The following TMEM25 variants were observed in gnomAD, a reference collection of about 807,000 sequenced individuals.
TMEM25 encodes 0610039J01Rik.
A neutral mutation model predicts 37.0 loss-of-function variants in TMEM25; 36 were observed. The ratio of observed to expected loss-of-function variants is 0.97; its 90% confidence interval spans 0.75 to 1.28. The LOEUF is 1.28. TMEM25 is among the 50% of genes most tolerant of loss of function. TMEM25 has a pLI of 0.00. For synonymous variants in TMEM25, 197 were observed against 203.7 expected, an observed-to-expected ratio of 0.97 and a Z score of 0.28; for missense variants, 444 against 477.9, an observed-to-expected ratio of 0.93 and a Z score of 0.66.
chr11:118,541,209 T>C (rs1403161835), intron 8 of TMEM25, among the ~76,000 whole-genome samples: 1 of 152,096 alleles, frequency 6.6e-6, no homozygotes, highest in Non-Finnish European at 1.5e-5. Flanking sequence ...ATGCCTGTAA[T>C]CCCAGCACTT....
At chr11:118,544,770 T>C (rs1555066584) in intron 8 of TMEM25, 6 of 636,580 alleles carry the variant, frequency 9.4e-6, no homozygotes, top group Admixed American at 8.1e-5. Context: ...TTCTGTGCCC[T>C]CTGGCAGAGA....
chr11:118,537,133 AAGT>A (rs1951521284), downstream of TMEM25, among the ~76,000 whole-genome samples: 1 of 151,968 alleles, frequency 6.6e-6, no homozygotes, highest in Non-Finnish European at 1.5e-5. Flanking sequence ...CTGAGCTCAG[AAGT>A]TCGAGACCAG....
In TMEM25 at chr11:118,533,533, AAAGAG is replaced by A. The variant is rs1555061035; in HGVS notation, c.792_796del (p.Lys265AsnfsTer14). On this transcript the variant is annotated frameshift_variant, in exon 5 of 9. Transcript: ENST00000313236. LOFTEE classifies it high-confidence loss of function. Reference sequence around the variant, plus strand: ...CTTGGTGGCCTGCCTGGTCTGCAGAAAAGAGAAGAAAACCAAAGGTAGGCCAGGGA... The same window carrying A: ...CTTGGTGGCCTGCCTGGTCTGCAGAAAAGAAAACCAAAGGTAGGCCAGGGA... 2.5e-6 allele frequency: 4 copies of A among 1,614,000 alleles called. No homozygotes were observed. Among genetic ancestry groups the A allele is most frequent in the African/African-American group, 1.3e-5 (1 of 74,936 alleles).
Position 118,534,439 on chromosome 11 carries a change from A to G in TMEM25, c.1028-68A>G, listed in dbSNP as rs967187415. 1.4e-5 allele frequency: 23 copies of G among 1,610,934 alleles called. No individual in the cohort carries two copies. In the East Asian group the frequency reaches 5.1e-4, roughly 36 times the overall value. ...AGAGGCCTCCAAGTGCCCAGGAGGC[A>G]GAGAGAGCTCTCCAAATTCCAAGGA... On this transcript the variant is annotated intron_variant, in intron 8 of 8. Transcript: ENST00000313236. This position sits in a 1 kb window ranked among gnomAD's most constrained non-coding sequence, Gnocchi z 4.6.
chr11:118,532,510 C>T (rs543452387), intron 3 of TMEM25, 49 bp downstream of exon 3: 3 of 1,551,524 alleles, frequency 1.9e-6, no homozygotes, highest in East Asian at 2.3e-5. Flanking sequence ...GCCCAGGGAC[C>T]CCCAGCACCC....
intron 3 of TMEM25, 163 bp downstream of exon 3, chr11:118,532,624 G>A (rs1457025265): frequency 1.7e-5 from 15 of 887,616 alleles, no homozygotes; most frequent in African/African-American, 5.1e-5. Flanking sequence ...TACTATTGTC[G>A]TCACCATTTT....
intron 8 of TMEM25, among the ~76,000 whole-genome samples, chr11:118,541,968 C>G (rs1425659785): frequency 6.6e-6 from 1 of 152,150 alleles, no homozygotes; most frequent in Non-Finnish European, 1.5e-5. Context: ...CGTTCCCCGG[C>G]TGGTCTCAAA....
At chr11:118,537,517 T>C (rs782001622), downstream of TMEM25, among the ~76,000 whole-genome samples, 1 of 152,206 alleles carries the variant, frequency 6.6e-6, no homozygotes, top group African/African-American at 2.4e-5. Context: ...ATTCCAACTA[T>C]ATGTTTGTAC....
downstream of TMEM25, among the ~76,000 whole-genome samples, chr11:118,540,496 C>T (rs957171825): frequency 1.3e-5 from 2 of 152,210 alleles, no homozygotes; most frequent in Non-Finnish European, 2.9e-5. Context: ...GGTCCTGGGG[C>T]TCTTCCTTTG....
chr11:118,536,193 C>A (rs1386461603), downstream of TMEM25, among the ~76,000 whole-genome samples: 58 of 145,716 alleles, frequency 4.0e-4, no homozygotes, highest in Non-Finnish European at 8.1e-4. Context: ...ATATGCTTTT[C>A]TTTTCTTTTT....
chr11:118,545,826 A>G, intron 8 of TMEM25: 1 of 1,614,160 alleles, frequency 6.2e-7, no homozygotes, highest in Non-Finnish European at 8.5e-7. Context: ...GCCAGGCTGC[A>G]ATCAATCTCT....
rs1555059412 is a variant in TMEM25 at position 118,532,310 on chromosome 11, A to C, written c.231A>C (p.Ser77=). 11 of 1,614,166 alleles carry C rather than the reference A, an allele frequency of 6.8e-6. No homozygotes were observed. The highest frequency in any genetic ancestry group is 9.3e-6 in the Non-Finnish European group (11 of 1,180,010). Residue 77 remains serine (S), a synonymous_variant, in exon 3 of 9, where the codon TCA becomes TCC. Transcript: ENST00000313236. ...GACAGCTGCAGGAGGCCAGCACCTC[A>C]AGACTGCTGAGCGTGGGAGGGGAGG... is the stretch of plus-strand genomic sequence containing the variant. ...LDGQLQEAST[S]RLLSVGGEAF...
Position 118,535,806 on chromosome 11 carries a change from G to C in TMEM25, c.*1226G>C, listed in dbSNP as rs534128038. On this transcript the variant is annotated 3_prime_UTR_variant, in exon 9 of 9. Transcript: ENST00000313236. ...TAGGGCGGTGCTGAGCACACAGCAAGTTTAATAAACTTGACTGAATTCATT... is the reference window on the plus strand; with the variant it reads ...TAGGGCGGTGCTGAGCACACAGCAACTTTAATAAACTTGACTGAATTCATT... 8.0e-7 allele frequency: 1 copy of C among 1,248,786 alleles called. No homozygotes were observed. The highest frequency in any genetic ancestry group is 1.0e-6 in the Non-Finnish European group (1 of 997,528). The allele number at this position is 1,248,786 out of a possible 1,614,324, so 77.4% of individuals were successfully genotyped here. A position where few individuals can be genotyped will look rare whatever the true frequency, so the allele number is the denominator to read the frequency against.
At chr11:118,544,307 G>A (rs936445263) in intron 8 of TMEM25, among the ~76,000 whole-genome samples, 1 of 152,088 alleles carries the variant, frequency 6.6e-6, no homozygotes, top group African/African-American at 2.4e-5. Context: ...TCAGGAAGGC[G>A]GCATTAACTG....
downstream of TMEM25, among the ~76,000 whole-genome samples, chr11:118,536,625 A>C (rs950334907): frequency 1.3e-5 from 2 of 152,360 alleles, no homozygotes; most frequent in East Asian, 1.9e-4. Flanking sequence ...CTTTAATTAT[A>C]GTGTTCCCAA....
Position 118,535,703 on chromosome 11 carries a change from G to A in TMEM25, c.*1123G>A. 1 of 1,449,438 alleles carries A rather than the reference G, an allele frequency of 6.9e-7. No individual in the cohort carries two copies. Among genetic ancestry groups the A allele is most frequent in the Non-Finnish European group, 9.1e-7 (1 of 1,102,336 alleles). The allele number at this position is 1,449,438 out of a possible 1,614,324, so 89.8% of individuals were successfully genotyped here. The stretch of plus-strand genomic sequence containing the variant: ...ACACTTTAAAAAGCAACATGTAAAT[G>A]ATTGGAAATTAATATAGTACAGAAT... On this transcript the variant is annotated 3_prime_UTR_variant, in exon 9 of 9. Coordinates refer to ENST00000313236, the MANE Select transcript of TMEM25 (RefSeq NM_032780.4).
chr11:118,540,271 G>A (rs1951562153), downstream of TMEM25, among the ~76,000 whole-genome samples: 1 of 151,900 alleles, frequency 6.6e-6, no homozygotes, highest in African/African-American at 2.4e-5. Flanking sequence ...GGCTTCCATG[G>A]CTGTGGGGGC....
intron 8 of TMEM25, chr11:118,544,948 C>T: frequency 1.2e-6 from 2 of 1,613,828 alleles, no homozygotes; most frequent in Non-Finnish European, 1.7e-6. Flanking sequence ...ATGTCTCCAG[C>T]TTGGGAGGTG....
chr11:118,532,590 C>T (rs1393363815), intron 3 of TMEM25, 129 bp downstream of exon 3: 3 of 1,062,320 alleles, frequency 2.8e-6, no homozygotes, highest in Non-Finnish European at 4.0e-6. Context: ...TCATTTGATC[C>T]TCTGAGTAAC....
Sources: allele counts gnomAD v4.1 joint callset (sites outside exome capture counted in the v4.1 genomes callset), GRCh38; gene constraint gnomAD v4.1.1; non-coding constraint Gnocchi (gnomAD v3.1); transcripts MANE v1.5; gene names NCBI Gene and HGNC (gene_info 2026-07-23, HGNC 2026-07-21).